Variants in CCDC88C observed in about 807,000 individuals in gnomAD.
CCDC88C encodes the protein coiled-coil and HOOK domain protein 88C.
In CCDC88C, 131 loss-of-function variants were observed where a neutral mutation model predicts 198.8. That is an observed-to-expected ratio of 0.66 (90% CI 0.57 to 0.76). The LOEUF (loss-of-function observed/expected upper bound fraction) is 0.76, where lower values mean the gene tolerates loss of function less well. CCDC88C is among the 30% of genes least tolerant of loss of function. The pLI is 0.00. For missense variants in CCDC88C, 2,553 were observed against 2,631.6 expected (o/e 0.97, Z 0.65); for synonymous variants, 1,166 against 1,114.7 (o/e 1.05, Z -0.92).
At chr14:91,374,492 G>T (rs1291636763) in intron 3 of CCDC88C, among the ~76,000 whole-genome samples, 1 of 152,250 alleles carries the variant, frequency 6.6e-6, no homozygotes, top group Non-Finnish European at 1.5e-5. Context: ...CTTACAGACA[G>T]GTGGTCAAAG....
rs1340440175 is a variant in CCDC88C at position 91,313,001 on chromosome 14, C to A, written c.2736+79G>T. On this transcript the variant is annotated intron_variant, in intron 15 of 29. Coordinates refer to ENST00000389857, the MANE Select transcript of CCDC88C (RefSeq NM_001080414.4). The surrounding 1 kb of genome is among the most constrained non-coding windows in gnomAD (Gnocchi z 5.2). Reference sequence around the variant, plus strand: ...TTAAGGAGGACACAGAGTCTTATTTCTCTCCTGAAACCATGCACCACAGAA... The same window carrying A: ...TTAAGGAGGACACAGAGTCTTATTTATCTCCTGAAACCATGCACCACAGAA... 1.8e-6 allele frequency: 2 copies of A among 1,095,666 alleles called. No homozygotes were observed. Among genetic ancestry groups the A allele is most frequent in the Non-Finnish European group, 2.6e-6 (2 of 765,112 alleles). The allele number at this position is 1,095,666 out of a possible 1,614,324, so 67.9% of individuals were successfully genotyped here.
chr14:91,293,361 ACGGCCCACC>A (rs1890783500), intron 23 of CCDC88C, among the ~76,000 whole-genome samples: 2 of 80,928 alleles, frequency 2.5e-5, no homozygotes, highest in Non-Finnish European at 4.6e-5. Flanking sequence ...CTCGCCTGCC[ACGGCCCACC>A]TTCCTGCCCC....
At chr14:91,289,638 C>T (rs1436350096) in intron 24 of CCDC88C, among the ~76,000 whole-genome samples, 4 of 152,160 alleles carry the variant, frequency 2.6e-5, no homozygotes, top group Non-Finnish European at 5.9e-5. Context: ...ATTTAGTTGG[C>T]AATTTTTCTG....
At chr14:91,328,465 G>A (rs1447820512) in intron 10 of CCDC88C, among the ~76,000 whole-genome samples, 8 of 152,196 alleles carry the variant, frequency 5.3e-5, no homozygotes, top group Admixed American at 1.3e-4. Context: ...ACGCCCCACC[G>A]TGGCCCTGAC....
intron 4 of CCDC88C, among the ~76,000 whole-genome samples, chr14:91,357,393 T>G (rs972544102): frequency 6.6e-6 from 1 of 152,254 alleles, no homozygotes; most frequent in Non-Finnish European, 1.5e-5. Context: ...GCTAGGACTA[T>G]GAGTGCGTGT....
Position 91,296,542 on chromosome 14 carries a change from G to A in CCDC88C, c.3966+763C>T, listed in dbSNP as rs371404946. On this transcript the variant is annotated intron_variant, in intron 22 of 29. Coordinates refer to ENST00000389857, the MANE Select transcript of CCDC88C (RefSeq NM_001080414.4). Reference sequence around the variant, plus strand: ...CCTCCACCCCCGTGGGGCCCTCAGGGTCCCAGGGTCTCTCATTCTCAGGGG... The same window carrying A: ...CCTCCACCCCCGTGGGGCCCTCAGGATCCCAGGGTCTCTCATTCTCAGGGG... 1.9e-3 allele frequency among the ~76,000 whole-genome samples: 285 copies of A among 152,308 alleles called. 1 individual carries two copies. The highest frequency in any genetic ancestry group is 0.017 in the Middle Eastern group (5 of 294).
chr14:91,338,130 G>A lies in CCDC88C; in HGVS notation c.925C>T (p.Arg309Cys), dbSNP rs767030060. The change falls in exon 10 of 30, where the codon CGT becomes TGT. Residue 309 changes from arginine to cysteine, a missense_variant. Arg to Cys is a radical substitution (Grantham distance 180). This residue lies in a region of CCDC88C where 1,260 missense variants were observed against 1,412.0 expected (regional missense o/e 0.89). Coordinates refer to ENST00000389857, the MANE Select transcript of CCDC88C (RefSeq NM_001080414.4). This position sits in a 1 kb window ranked among gnomAD's most constrained non-coding sequence, Gnocchi z 4.8. ...IQLAADARSA[R>C]AYRDELDSLR... ...GAATCCAGCTCGTCTCGATAGGCAC[G>A]AGCAGACCGGGCGTCTGCCGCTAGC... 109 of 1,613,854 alleles carry A rather than the reference G, an allele frequency of 6.8e-5. No individual in the cohort carries two copies. Among genetic ancestry groups the A allele is most frequent in the Admixed American group, 6.2e-4 (37 of 60,030 alleles).
At chr14:91,293,319 T>TGTCC (rs879188133) in intron 23 of CCDC88C, among the ~76,000 whole-genome samples, 14 of 2,238 alleles carry the variant, frequency 6.3e-3, no homozygotes, top group South Asian at 0.016. Flanking sequence ...CACCTTCCCA[T>TGTCC]CCTCACCTGC....
chr14:91,397,562 C>T (rs1327187436), intron 3 of CCDC88C, among the ~76,000 whole-genome samples: 2 of 152,230 alleles, frequency 1.3e-5, no homozygotes, highest in African/African-American at 4.8e-5. Context: ...ATCAAACCCA[C>T]CTTTCGCCCT....
At position 91,339,948 on chromosome 14, in the gene CCDC88C, G is replaced by T; in HGVS notation, c.560C>A (p.Ala187Asp). ...LPDVAPEELE[A>D]LSRSMVLHLR... ...GTGGAGCACCATGCTCCTCGACAGG[G>T]CCTCCAGCTCCTCCGGAGCCACGTC... Residue 187 changes from alanine (A) to aspartate (D), a missense_variant, in exon 7 of 30, where the codon GCC (alanine) becomes GAC (aspartate). Physicochemically the swap from Ala to Asp is moderately radical, Grantham distance 126 (BLOSUM62 -2). Transcript: ENST00000389857. This position sits in a 1 kb window ranked among gnomAD's most constrained non-coding sequence, Gnocchi z 5.8. 1 of 1,599,788 alleles carries T rather than the reference G, an allele frequency of 6.3e-7. No individual in the cohort carries two copies. Among genetic ancestry groups the T allele is most frequent in the Admixed American group, 1.7e-5 (1 of 58,380 alleles).
Position 91,408,626 on chromosome 14 carries a change from C to T in CCDC88C, c.270+33G>A, listed in dbSNP as rs937796423. 3 of 1,324,524 alleles carry T rather than the reference C, an allele frequency of 2.3e-6. No homozygotes were observed. In the African/African-American group the frequency reaches 4.3e-5, roughly 19 times the overall value. The allele number at this position is 1,324,524 out of a possible 1,614,324, so 82.0% of individuals were successfully genotyped here. A position where few individuals can be genotyped will look rare whatever the true frequency, so the allele number is the denominator to read the frequency against. ...GACAGTGACGATACTGATGGACACA[C>T]ATCAGAATTCCCGACAGCAGAACTG... On this transcript the variant is annotated intron_variant, in intron 3 of 29. Transcript: ENST00000389857.
chr14:91,413,954 C>A (rs7158142), intron 2 of CCDC88C, among the ~76,000 whole-genome samples: 14,021 of 152,234 alleles, frequency 0.092, 819 homozygotes, highest in Middle Eastern at 0.2. Flanking sequence ...GGCAGAACAG[C>A]CTTACCCCTT....
chr14:91,297,498 G>A lies in CCDC88C; in HGVS notation c.3780-7C>T. ...GTGGTGCAGGAAATTGACCCTGGAG[G>A]AGGAAGAGTCACAGGGCAAAGGAGC... is the stretch of plus-strand genomic sequence containing the variant. On this transcript the variant is annotated splice_polypyrimidine_tract_variant and splice_region_variant and intron_variant, in intron 21 of 29. Coordinates refer to ENST00000389857, the MANE Select transcript of CCDC88C (RefSeq NM_001080414.4). The A allele has an allele frequency of 1.9e-6, 3 of 1,552,756 alleles. No individual in the cohort carries two copies. Among genetic ancestry groups the A allele is most frequent in the African/African-American group, 1.4e-5 (1 of 73,228 alleles).
At chr14:91,336,799 C>G (rs1893067078) in intron 10 of CCDC88C, among the ~76,000 whole-genome samples, 2 of 152,194 alleles carry the variant, frequency 1.3e-5, no homozygotes, top group Non-Finnish European at 2.9e-5. Context: ...ACCCACCTCA[C>G]CCAGTCCCAG....
rs1891440770 is a variant in CCDC88C at position 91,303,808 on chromosome 14, C to T, written c.3528G>A (p.Thr1176=). The part of the protein sequence containing the change: ...ALLQDHEHLG[T]LHERQSAEYE... ...ACTCGGCCGATTGCCGCTCGTGCAGCGTGCCCAGGTGCTCGTGGTCCTGCA... is the reference window on the plus strand; with the variant it reads ...ACTCGGCCGATTGCCGCTCGTGCAGTGTGCCCAGGTGCTCGTGGTCCTGCA... Residue 1176 remains threonine, a synonymous_variant, in exon 20 of 30, where the codon ACG becomes ACA. Coordinates refer to ENST00000389857, the MANE Select transcript of CCDC88C (RefSeq NM_001080414.4). The T allele has an allele frequency of 2.5e-6, 4 of 1,613,260 alleles. No individual in the cohort carries two copies. The highest frequency in any genetic ancestry group is 1.7e-5 in the Admixed American group (1 of 60,004).
chr14:91,366,153 TACACACACACACAC>T (rs57281083), intron 3 of CCDC88C, among the ~76,000 whole-genome samples: 96 of 136,464 alleles, frequency 7.0e-4, no homozygotes, highest in Admixed American at 1.6e-3. Flanking sequence ...ACTTAAAAAA[TACACACACACACAC>T]ACACACACAC....
At position 91,272,815 on chromosome 14, in the gene CCDC88C, TCTCC is replaced by T; in HGVS notation, c.5893_5896del (p.Gly1965ThrfsTer99). ...ACTGCAGCCCTGCCCCGGGACCCCG[TCTCC>T]CTCTGAGAGGCTGAGCCCTGCCCGG... On this transcript the variant is annotated frameshift_variant, in exon 30 of 30. Transcript: ENST00000389857. LOFTEE classifies it high-confidence loss of function. The T allele has an allele frequency of 1.3e-6, 2 of 1,597,330 alleles. No individual in the cohort carries two copies. Among genetic ancestry groups the T allele is most frequent in the Non-Finnish European group, 1.7e-6 (2 of 1,172,520 alleles).
rs1372897338 is a variant in CCDC88C, at chr14:91,288,243, T to C, written c.4441+862A>G. Among the ~76,000 whole-genome samples, 1 of 152,202 alleles carries C rather than the reference T, an allele frequency of 6.6e-6. No homozygotes were observed. Among genetic ancestry groups the C allele is most frequent in the Non-Finnish European group, 1.5e-5 (1 of 68,030 alleles). On this transcript the variant is annotated intron_variant, in intron 25 of 29. Transcript: ENST00000389857. The surrounding 1 kb of genome is among the most constrained non-coding windows in gnomAD (Gnocchi z 4.2). ...GAGAGTTGATGAAATACAGCATACATGATGAGAAATCCTGTTCTTGTTTCA... is the reference window on the plus strand; with the variant it reads ...GAGAGTTGATGAAATACAGCATACACGATGAGAAATCCTGTTCTTGTTTCA...
intron 26 of CCDC88C, among the ~76,000 whole-genome samples, chr14:91,283,076 C>T (rs988055795): frequency 5.3e-5 from 8 of 152,346 alleles, no homozygotes; most frequent in African/African-American, 1.7e-4. Flanking sequence ...GCCTTCATTT[C>T]CTGAATGCCG....
Sources: gnomAD v4.1 joint callset for allele counts (sites outside exome capture counted in the v4.1 genomes callset) on GRCh38, gnomAD v4.1.1 for gene constraint, gnomAD v4.1.1 regional missense constraint, Gnocchi (gnomAD v3.1) non-coding constraint, MANE v1.5 for transcripts, NCBI Gene and HGNC (gene_info 2026-07-23, HGNC 2026-07-21) for gene names.